PTH2R: variants seen among roughly 807,000 people sequenced by gnomAD.
The protein encoded by PTH2R is PTH2 receptor.
PTH2R carries 59 observed loss-of-function variants against 60.3 expected under a neutral mutation model. The observed-to-expected ratio is 0.98, with a 90% CI of 0.79 to 1.22. The LOEUF (loss-of-function observed/expected upper bound fraction) is 1.22, where lower values mean the gene tolerates loss of function less well. Among genes scored for constraint, PTH2R ranks in the 50% most tolerant of loss-of-function variants. The pLI is 0.00. For synonymous variants in PTH2R, 256 were observed against 243.8 expected (o/e 1.05, Z -0.47); for missense variants, 749 against 682.6 (o/e 1.10, Z -1.08).
At chr2:208,468,439 C>T (rs1486349967) in intron 9 of PTH2R, among the ~76,000 whole-genome samples, 1 of 152,146 alleles carries the variant, frequency 6.6e-6, no homozygotes, top group East Asian at 1.9e-4. Flanking sequence ...AATGTCCCTA[C>T]CCAATGAACT....
chr2:208,447,626 TA>T (rs1702315348), intron 7 of PTH2R, among the ~76,000 whole-genome samples: 1 of 147,662 alleles, frequency 6.8e-6, no homozygotes, highest in Non-Finnish European at 1.5e-5. Flanking sequence ...AATAAATAAA[TA>T]AATAAATAAA....
At chr2:208,377,324 C>T (rs1331550415) in intron 1 of PTH2R, among the ~76,000 whole-genome samples, 2 of 152,138 alleles carry the variant, frequency 1.3e-5, no homozygotes, top group African/African-American at 4.8e-5. Flanking sequence ...CCCACCTTTC[C>T]CCCTTTCCTA....
intron 1 of PTH2R, among the ~76,000 whole-genome samples, chr2:208,369,972 A>G (rs904114595): frequency 3.9e-5 from 6 of 152,060 alleles, no homozygotes; most frequent in Admixed American, 1.3e-4. Context: ...ATCTGGTGCC[A>G]CTATACAGAC....
chr2:208,426,894 T>G (rs1239044950), intron 1 of PTH2R, among the ~76,000 whole-genome samples: 1 of 152,180 alleles, frequency 6.6e-6, no homozygotes, highest in Non-Finnish European at 1.5e-5. Flanking sequence ...TTTAACAGAT[T>G]GTGATTTAGC....
rs1184787398 is a variant in PTH2R, at chr2:208,477,937, CTACTAG to C, written c.982-3130_982-3125del. Among the ~76,000 whole-genome samples the C allele has an allele frequency of 1.4e-4, 20 of 144,592 alleles. No individual in the cohort carries two copies. The South Asian group carries it at 3.9e-3, about 28-fold the overall frequency. The allele number at this position is 144,592 out of a possible 152,430, so 94.9% of individuals were successfully genotyped here. A position where few individuals can be genotyped will look rare whatever the true frequency, so the allele number is the denominator to read the frequency against. On this transcript the variant is annotated intron_variant, in intron 9 of 12. Transcript: ENST00000272847. ...AGCACTACTACTAGTACTAGCACTACTACTAGTAGTACTAGCACTACTACTAGTACT... is the reference window on the plus strand; with the variant it reads ...AGCACTACTACTAGTACTAGCACTACTAGTACTAGCACTACTACTAGTACT...
intron 9 of PTH2R, among the ~76,000 whole-genome samples, chr2:208,473,110 C>T (rs866121677): frequency 6.6e-6 from 1 of 152,290 alleles, no homozygotes; most frequent in Middle Eastern, 3.4e-3. Context: ...GAATATTGGT[C>T]CATTTCCAAC....
intron 1 of PTH2R, among the ~76,000 whole-genome samples, chr2:208,370,536 A>G (rs1700680202): frequency 6.6e-6 from 1 of 150,582 alleles, no homozygotes; most frequent in Non-Finnish European, 1.5e-5. Context: ...AACTGAACTG[A>G]CCTATTCCCA....
At chr2:208,489,237 C>T (rs1255323234) in intron 11 of PTH2R, 87 bp downstream of exon 11, 4 of 1,531,870 alleles carry the variant, frequency 2.6e-6, no homozygotes, top group Non-Finnish European at 8.9e-7. Flanking sequence ...TCTGCACTCT[C>T]TCTGGCTTTG....
In PTH2R at chr2:208,385,663, G is replaced by A. The variant is rs150474790; in HGVS notation, c.-259+25426G>A. 8.5e-5 allele frequency among the ~76,000 whole-genome samples: 13 copies of A among 152,278 alleles called. No homozygotes were observed. In the East Asian group the frequency reaches 1.2e-3, roughly 14 times the overall value. On this transcript the variant is annotated intron_variant, in intron 1 of 12. Transcript: ENST00000617735. ...GTCCATTCTCTAATTTTTCAATGAC[G>A]TAGTACCAGACAGTCTCTTAAGTCA... is the stretch of plus-strand genomic sequence containing the variant.
At chr2:208,396,633 G>C (rs1205273119) in intron 1 of PTH2R, among the ~76,000 whole-genome samples, 2 of 152,102 alleles carry the variant, frequency 1.3e-5, no homozygotes, top group Admixed American at 1.3e-4. Context: ...TTAGAATGGC[G>C]ATCATTAAAA....
chr2:208,399,745 T>A (rs1187522835), intron 1 of PTH2R, among the ~76,000 whole-genome samples: 1 of 152,200 alleles, frequency 6.6e-6, no homozygotes, highest in African/African-American at 2.4e-5. Flanking sequence ...TGAGGAATCA[T>A]AACCATGAGA....
In PTH2R at chr2:208,444,906, T is replaced by C; in HGVS notation, c.853+19T>C. On this transcript the variant is annotated intron_variant, in intron 7 of 12. Transcript: ENST00000272847. Reference sequence around the variant, plus strand: ...GGCTGGGGTAAGACATTTATATCTCTGTTCCTTTCAAACTGGATGATGCAT... The same window carrying C: ...GGCTGGGGTAAGACATTTATATCTCCGTTCCTTTCAAACTGGATGATGCAT... 6.2e-7 allele frequency: 1 copy of C among 1,602,904 alleles called. No homozygotes were observed. Among genetic ancestry groups the C allele is most frequent in the Non-Finnish European group, 8.5e-7 (1 of 1,174,270 alleles).
At chr2:208,395,871 GAAC>G (rs1701199304) in intron 1 of PTH2R, among the ~76,000 whole-genome samples, 1 of 152,168 alleles carries the variant, frequency 6.6e-6, no homozygotes, top group Non-Finnish European at 1.5e-5. Flanking sequence ...TAAGCAAAAA[GAAC>G]AACGCTGGAG....
chr2:208,456,603 G>C (rs1452630563), intron 8 of PTH2R, among the ~76,000 whole-genome samples: 1 of 152,184 alleles, frequency 6.6e-6, no homozygotes, highest in Non-Finnish European at 1.5e-5. Context: ...AGAAGGTAGT[G>C]CTCAGCCAAT....
At chr2:208,446,850 T>G (rs1702296583) in intron 7 of PTH2R, among the ~76,000 whole-genome samples, 1 of 152,242 alleles carries the variant, frequency 6.6e-6, no homozygotes, top group Non-Finnish European at 1.5e-5. Flanking sequence ...AAATTCATTT[T>G]CTAAATGATC....
chr2:208,491,744 G>A lies in PTH2R; in HGVS notation c.1257+1064G>A, dbSNP rs554331329. 3.9e-5 allele frequency among the ~76,000 whole-genome samples: 6 copies of A among 151,918 alleles called. No homozygotes were observed. The South Asian group carries it at 1.3e-3, about 32-fold the overall frequency. ...AAAGGGAAAGGAATGTATTTATTAGGACCCACTGTTTTACTGGGGTCCATT... is the reference window on the plus strand; with the variant it reads ...AAAGGGAAAGGAATGTATTTATTAGAACCCACTGTTTTACTGGGGTCCATT... On this transcript the variant is annotated intron_variant, in intron 12 of 12. Coordinates refer to ENST00000272847, the MANE Select transcript of PTH2R (RefSeq NM_005048.4).
chr2:208,486,719 G>T (rs573127017), intron 10 of PTH2R, among the ~76,000 whole-genome samples: 1 of 152,348 alleles, frequency 6.6e-6, no homozygotes, highest in East Asian at 1.9e-4. Flanking sequence ...ATAGGCAGTG[G>T]TGGGAAGGGG....
chr2:208,467,151 T>C (rs1418144235), intron 9 of PTH2R, among the ~76,000 whole-genome samples: 2 of 152,192 alleles, frequency 1.3e-5, no homozygotes, highest in African/African-American at 4.8e-5. Flanking sequence ...TTCGGGTTAA[T>C]TGGTCATCCT....
intron 1 of PTH2R, among the ~76,000 whole-genome samples, chr2:208,398,755 T>C (rs949805275): frequency 6.6e-6 from 1 of 152,208 alleles, no homozygotes; most frequent in African/African-American, 2.4e-5. Context: ...GTTTGAATCT[T>C]AAGGCAGAAA....
Sources: gnomAD v4.1 joint callset for allele counts (sites outside exome capture counted in the v4.1 genomes callset) on GRCh38, gnomAD v4.1.1 for gene constraint, MANE v1.5 for transcripts, NCBI Gene and HGNC (gene_info 2026-07-23, HGNC 2026-07-21) for gene names.